Variants in RASAL3 observed in about 807,000 individuals in gnomAD.
RASAL3 encodes RAS protein activator like 3, also known as RAS protein activator like-3.
RASAL3 carries 74 observed loss-of-function variants against 105.5 expected under a neutral mutation model. That is an observed-to-expected ratio of 0.70 (90% CI 0.58 to 0.85). RASAL3 has a LOEUF of 0.85. RASAL3 is among the 40% of genes least tolerant of loss of function. RASAL3 has a pLI of 0.00. For synonymous variants in RASAL3, 579 were observed against 591.6 expected (o/e 0.98, Z 0.31); for missense variants, 1,352 against 1,392.0 (o/e 0.97, Z 0.46).
In RASAL3 at chr19:15,451,746, G is replaced by T. The variant is rs1970152830; in HGVS notation, c.*49C>A. ...CAAAGTCAGACACCCCCCCTAAGAT[G>T]GCTATCTCTCTGCTCCCAGACCACG... On this transcript the variant is annotated 3_prime_UTR_variant, in exon 18 of 18. Transcript: ENST00000343625. 1 of 1,549,334 alleles carries T rather than the reference G, an allele frequency of 6.5e-7. No individual in the cohort carries two copies. Among genetic ancestry groups the T allele is most frequent in the African/African-American group, 1.4e-5 (1 of 73,470 alleles).
chr19:15,453,521 A>G lies in RASAL3; in HGVS notation c.2280-24T>C. On this transcript the variant is annotated intron_variant, in intron 14 of 17. Transcript: ENST00000343625. The surrounding 1 kb of genome is among the most constrained non-coding windows in gnomAD (Gnocchi z 4.2). ...GGCTAGGGGTGGGATGGAGGATCTTAGACCCTCCACTGGCCCCTGAGACGA... is the reference window on the plus strand; with the variant it reads ...GGCTAGGGGTGGGATGGAGGATCTTGGACCCTCCACTGGCCCCTGAGACGA... 6.7e-7 allele frequency: 1 copy of G among 1,492,660 alleles called. No individual in the cohort carries two copies. Among genetic ancestry groups the G allele is most frequent in the African/African-American group, 1.5e-5 (1 of 68,128 alleles). The allele number at this position is 1,492,660 out of a possible 1,614,324, so 92.5% of individuals were successfully genotyped here.
intron 2 of RASAL3, among the ~76,000 whole-genome samples, chr19:15,463,393 C>G (rs1481452026): frequency 6.6e-6 from 1 of 152,104 alleles, no homozygotes; most frequent in Non-Finnish European, 1.5e-5. Context: ...ATGCCTGGCC[C>G]ATCTGTCATT....
Position 15,451,647 on chromosome 19 carries a change from TG to T in RASAL3, c.*147del. On this transcript the variant is annotated 3_prime_UTR_variant, in exon 18 of 18. Transcript: ENST00000343625. ...AATTTCACTGAAATCAAGATTTTACTGGGCAACTTCATACTGCCAGAGTGGT... is the reference window on the plus strand; with the variant it reads ...AATTTCACTGAAATCAAGATTTTACTGGCAACTTCATACTGCCAGAGTGGT... The T allele has an allele frequency of 1.3e-6, 1 of 788,096 alleles. No homozygotes were observed. Among genetic ancestry groups the T allele is most frequent in the Non-Finnish European group, 1.9e-6 (1 of 515,190 alleles). The allele number at this position is 788,096 out of a possible 1,614,324, so 48.8% of individuals were successfully genotyped here.
intron 2 of RASAL3, 62 bp downstream of exon 2, chr19:15,463,969 G>C (rs1341268242): frequency 6.9e-7 from 1 of 1,443,170 alleles, no homozygotes; most frequent in African/African-American, 1.4e-5. Context: ...TCCGGAGGCA[G>C]ACAAAACCCA....
intron 5 of RASAL3, 73 bp from the exon 6 acceptor site, chr19:15,460,331 C>T: frequency 1.4e-6 from 2 of 1,435,212 alleles, no homozygotes; most frequent in Middle Eastern, 1.7e-4. Flanking sequence ...CAAGACATCC[C>T]AGAGGATCTA....
rs1970276657 is a variant in RASAL3, at chr19:15,455,049, C to G, written c.1722-156G>C. ...CATGCAGGCTTCCTTCTCACTGAAC[C>G]TGGGGTCTGGGCTCTAGGATTGGGA... On this transcript the variant is annotated intron_variant, in intron 11 of 17. Coordinates refer to ENST00000343625, the MANE Select transcript of RASAL3 (RefSeq NM_022904.3). 1.3e-5 allele frequency among the ~76,000 whole-genome samples: 2 copies of G among 152,172 alleles called. 1 individual carries two copies. The highest frequency in any genetic ancestry group is 4.1e-4 in the South Asian group (2 of 4,834).
chr19:15,455,997 A>C, intron 11 of RASAL3, 107 bp downstream of exon 11: 1 of 1,326,436 alleles, frequency 7.5e-7, no homozygotes, highest in Non-Finnish European at 1.0e-6. Context: ...TTATTGCATC[A>C]AATTTAACTG....
chr19:15,453,351 C>T lies in RASAL3; in HGVS notation c.2426G>A (p.Arg809Gln), dbSNP rs755126096. The change falls in exon 15 of 18, where the codon CGG (arginine) becomes CAG (glutamine). Residue 809 changes from arginine to glutamine, a missense_variant. Around this residue, in one of 3 missense-constraint regions of RASAL3, gnomAD observed 920 missense variants for 919.6 expected, o/e 1.00. Transcript: ENST00000343625. The surrounding 1 kb of genome is among the most constrained non-coding windows in gnomAD (Gnocchi z 4.2). ...RPRPDEERPL[R>Q]RPRPVQRTQS... ...CGTGCGCTGCACCGGCCGGGGCCGC[C>T]GCAGGGGCCGCTCTTCGTCCGGCCG... is the stretch of plus-strand genomic sequence containing the variant. 6 of 1,429,144 alleles carry T rather than the reference C, an allele frequency of 4.2e-6. No homozygotes were observed. The highest frequency in any genetic ancestry group is 4.6e-6 in the Non-Finnish European group (5 of 1,098,090). 88.5% of individuals were successfully genotyped at this position (1,429,144 alleles called of 1,614,324 possible).
At chr19:15,460,329 C>T in intron 5 of RASAL3, 71 bp from the exon 6 acceptor site, 1 of 1,436,654 alleles carries the variant, frequency 7.0e-7, no homozygotes, top group Non-Finnish European at 9.6e-7. Flanking sequence ...CCCAAGACAT[C>T]CCAGAGGATC....
Position 15,464,322 on chromosome 19 carries a change from G to T in RASAL3, c.37C>A (p.Gln13Lys). The T allele has an allele frequency of 1.9e-6, 3 of 1,608,406 alleles. No homozygotes were observed. In the South Asian group the frequency reaches 3.3e-5, roughly 18 times the overall value. ...PPSPSRTSQT[Q>K]PTATSPLTSY... Reference sequence around the variant, plus strand: ...GTCAGCGGAGAGGTGGCTGTGGGCTGGGTTTGGGAGGTCCGGCTTGGCGAC... The same window carrying T: ...GTCAGCGGAGAGGTGGCTGTGGGCTTGGTTTGGGAGGTCCGGCTTGGCGAC... The change falls in exon 2 of 18, where the codon CAG becomes AAG. Residue 13 changes from glutamine to lysine, a missense_variant. Around this residue, in one of 3 missense-constraint regions of RASAL3, gnomAD observed 344 missense variants for 339.6 expected, o/e 1.01. Transcript: ENST00000343625.
At position 15,454,638 on chromosome 19, in the gene RASAL3, C is replaced by G. The variant is rs201627631; in HGVS notation, c.1958+19G>C. 15 of 1,610,976 alleles carry G rather than the reference C, an allele frequency of 9.3e-6. No homozygotes were observed. Among genetic ancestry groups the G allele is most frequent in the Admixed American group, 1.7e-5 (1 of 59,922 alleles). ...CACTCCCAGCATGGTCCCCCCACCC[C>G]TAGCTTCCCAGCACCTACGGGGCAC... On this transcript the variant is annotated intron_variant, in intron 12 of 17. Coordinates refer to ENST00000343625, the MANE Select transcript of RASAL3 (RefSeq NM_022904.3).
intron 11 of RASAL3, 135 bp downstream of exon 11, chr19:15,455,969 G>T (rs1970302006): frequency 9.6e-7 from 1 of 1,044,198 alleles, no homozygotes; most frequent in Non-Finnish European, 1.4e-6. Context: ...TAATTTTTTA[G>T]TATAAGCATG....
intron 8 of RASAL3, chr19:15,458,042 G>T: frequency 1.5e-6 from 1 of 648,176 alleles, no homozygotes; most frequent in East Asian, 2.7e-5. Context: ...GGAGAGTTGG[G>T]GGCTCCAGGG....
rs1273320781 is a variant in RASAL3 at position 15,458,560 on chromosome 19, G to A, written c.758C>T (p.Pro253Leu). 8 of 1,613,640 alleles carry A rather than the reference G, an allele frequency of 5.0e-6. No homozygotes were observed. The highest frequency in any genetic ancestry group is 1.1e-5 in the South Asian group (1 of 91,022). Residue 253 changes from proline (P) to leucine (L), a missense_variant, in exon 7 of 18, where the codon CCC becomes CTC. Coordinates refer to ENST00000343625, the MANE Select transcript of RASAL3 (RefSeq NM_022904.3). ...GCAGTGGGGCTCCCCCAGGAGGCTG[G>A]GGTGCAGTGGCCAGATCCGCACATC... ...ERDVRIWPLH[P>L]SLLGEPHCFQ... is the part of the protein sequence containing the mutation.
At chr19:15,459,130 G>A (rs988333999) in intron 6 of RASAL3, among the ~76,000 whole-genome samples, 8 of 151,402 alleles carry the variant, frequency 5.3e-5, no homozygotes, top group African/African-American at 1.9e-4. Flanking sequence ...GTAGAGGTGG[G>A]GTTTCACCAT....
chr19:15,452,541 G>T, intron 16 of RASAL3, 117 bp downstream of exon 16: 2 of 926,048 alleles, frequency 2.2e-6, no homozygotes, highest in Non-Finnish European at 3.1e-6. Context: ...TTGGGGCGGG[G>T]CCAGGGTGGG....
chr19:15,457,707 C>T lies in RASAL3; in HGVS notation c.1016G>A (p.Arg339His). 1 of 1,491,386 alleles carries T rather than the reference C, an allele frequency of 6.7e-7. No homozygotes were observed. The allele number at this position is 1,491,386 out of a possible 1,614,324, so 92.4% of individuals were successfully genotyped here. A position where few individuals can be genotyped will look rare whatever the true frequency, so the allele number is the denominator to read the frequency against. Residue 339 changes from arginine to histidine, a missense_variant, in exon 9 of 18, where the codon CGC (arginine) becomes CAC (histidine). By Grantham distance (29) the Arg-to-His change is conservative. Coordinates refer to ENST00000343625, the MANE Select transcript of RASAL3 (RefSeq NM_022904.3). This position sits in a 1 kb window ranked among gnomAD's most constrained non-coding sequence, Gnocchi z 8.6. ...ELWLDGALLARTAPRAGPGQL... is the reference protein window; with the variant it reads ...ELWLDGALLAHTAPRAGPGQL... Reference sequence around the variant, plus strand: ...GCCTGGGCCGGCCCGAGGCGCCGTGCGTGCCAGCAGCGCGCCATCCAGCCA... The same window carrying T: ...GCCTGGGCCGGCCCGAGGCGCCGTGTGTGCCAGCAGCGCGCCATCCAGCCA...
Position 15,453,381 on chromosome 19 carries a change from C to T in RASAL3, c.2396G>A (p.Arg799Gln), listed in dbSNP as rs1792034662. 4 of 1,465,340 alleles carry T rather than the reference C, an allele frequency of 2.7e-6. No individual in the cohort carries two copies. The African/African-American group carries it at 4.5e-5, about 16-fold the overall frequency. The allele number at this position is 1,465,340 out of a possible 1,614,324, so 90.8% of individuals were successfully genotyped here. The part of the protein sequence containing the change: ...RSVRRSESWA[R>Q]PRPDEERPLR... ...GGGCCGCTCTTCGTCCGGCCGTGGCCGGGCCCAACTCTCTGAGCGGCGAAC... is the reference window on the plus strand; with the variant it reads ...GGGCCGCTCTTCGTCCGGCCGTGGCTGGGCCCAACTCTCTGAGCGGCGAAC... The change falls in exon 15 of 18, where the codon CGG (arginine) becomes CAG (glutamine). Residue 799 changes from arginine (R) to glutamine (Q), a missense_variant. Arg to Gln is a conservative substitution (Grantham distance 43). Around this residue, in one of 3 missense-constraint regions of RASAL3, gnomAD observed 920 missense variants for 919.6 expected, o/e 1.00. Transcript: ENST00000343625. This position sits in a 1 kb window ranked among gnomAD's most constrained non-coding sequence, Gnocchi z 4.2.
intron 11 of RASAL3, among the ~76,000 whole-genome samples, chr19:15,455,404 G>T (rs185801577): frequency 6.6e-6 from 1 of 152,266 alleles, no homozygotes; most frequent in Non-Finnish European, 1.5e-5. Flanking sequence ...GGGATTTGAG[G>T]TGGAGGGTCA....
Sources: gnomAD v4.1 joint callset for allele counts (sites outside exome capture counted in the v4.1 genomes callset) on GRCh38, gnomAD v4.1.1 for gene constraint, gnomAD v4.1.1 regional missense constraint, Gnocchi (gnomAD v3.1) non-coding constraint, MANE v1.5 for transcripts, NCBI Gene and HGNC (gene_info 2026-07-23, HGNC 2026-07-21) for gene names.